The following TRIM45 variants were observed in gnomAD, a reference collection of about 807,000 sequenced individuals.
TRIM45 encodes tripartite motif containing 45.
TRIM45 carries 45 observed loss-of-function variants against 46.7 expected under a neutral mutation model. The observed-to-expected ratio is 0.96, with a 90% CI of 0.76 to 1.24. TRIM45 has a LOEUF of 1.24. Ranked by LOEUF, TRIM45 falls within the 50% of genes most tolerant of loss-of-function variation. The pLI is 0.00. For missense variants in TRIM45, 680 were observed against 728.4 expected, an observed-to-expected ratio of 0.93 and a Z score of 0.77; for synonymous variants, 259 against 285.8, an observed-to-expected ratio of 0.91 and a Z score of 0.94.
In TRIM45 at chr1:117,117,972, A is replaced by G. The variant is rs1275181917; in HGVS notation, c.1222+62T>C. On this transcript the variant is annotated intron_variant, in intron 2 of 5. Transcript: ENST00000256649. This position sits in a 1 kb window ranked among gnomAD's most constrained non-coding sequence, Gnocchi z 4.9. ...TGCTTCCTAGCAGAACAAGCCACCA[A>G]TCTTCACACACCACCTCCCTGTCCA... 7.7e-6 allele frequency: 12 copies of G among 1,561,874 alleles called. No homozygotes were observed. Among genetic ancestry groups the G allele is most frequent in the South Asian group, 6.2e-5 (5 of 81,038 alleles).
Position 117,113,527 on chromosome 1 carries a change from G to C in TRIM45, c.1468-42C>G. ...AAAAGCAATGAACAGCATCTTACGA[G>C]TTAACAGGATGTGCTGCGCATCACT... On this transcript the variant is annotated intron_variant, in intron 4 of 5. Transcript: ENST00000256649. This position sits in a 1 kb window ranked among gnomAD's most constrained non-coding sequence, Gnocchi z 4.0. 2 of 1,599,942 alleles carry C rather than the reference G, an allele frequency of 1.3e-6. No individual in the cohort carries two copies. Among genetic ancestry groups the C allele is most frequent in the Non-Finnish European group, 1.7e-6 (2 of 1,171,580 alleles).
In TRIM45 at chr1:117,115,551, G is replaced by A. The variant is rs769857493; in HGVS notation, c.1467+24C>T. On this transcript the variant is annotated intron_variant, in intron 4 of 5. Coordinates refer to ENST00000256649, the MANE Select transcript of TRIM45 (RefSeq NM_025188.4). The surrounding 1 kb of genome is among the most constrained non-coding windows in gnomAD (Gnocchi z 4.2). ...AAGACAGTAGAATCCAGGGAGCTCA[G>A]GGAAGCACGTGCACCAGTCTTACCT... 1.2e-5 allele frequency: 18 copies of A among 1,549,312 alleles called. No individual in the cohort carries two copies. In the African/African-American group the frequency reaches 1.9e-4, roughly 16 times the overall value.
chr1:117,118,237 T>G lies in TRIM45; in HGVS notation c.1019A>C (p.Asp340Ala), dbSNP rs563417817. The G allele has an allele frequency of 5.0e-6, 8 of 1,614,162 alleles. No individual in the cohort carries two copies. The South Asian group carries it at 6.6e-5, about 13-fold the overall frequency. The change falls in exon 2 of 6, where the codon GAC becomes GCC. Residue 340 changes from aspartate (D) to alanine (A), a missense_variant. This residue lies in a region of TRIM45 where 322 missense variants were observed against 359.3 expected (regional missense o/e 0.90). Transcript: ENST00000256649. The surrounding 1 kb of genome is among the most constrained non-coding windows in gnomAD (Gnocchi z 5.7). ...FTEHLLTSGSDLEILITKRVV... is the reference protein window; with the variant it reads ...FTEHLLTSGSALEILITKRVV... ...CCTCTTGGTGATGAGGATCTCCAAGTCTGAGCCGCTGGTCAGCAAGTGCTC... is the reference window on the plus strand; with the variant it reads ...CCTCTTGGTGATGAGGATCTCCAAGGCTGAGCCGCTGGTCAGCAAGTGCTC...
chr1:117,119,630 G>C (rs918999779), intron 1 of TRIM45, among the ~76,000 whole-genome samples: 3 of 151,622 alleles, frequency 2.0e-5, no homozygotes, highest in African/African-American at 7.3e-5. Flanking sequence ...AAAGAGAAAA[G>C]AAAGTGTGAA....
rs956170579 is a variant in TRIM45, at chr1:117,117,184, C to G, written c.1223-439G>C. Among the ~76,000 whole-genome samples the G allele has an allele frequency of 1.3e-5, 2 of 152,154 alleles. No individual in the cohort carries two copies. The highest frequency in any genetic ancestry group is 2.9e-5 in the Non-Finnish European group (2 of 68,018). On this transcript the variant is annotated intron_variant, in intron 2 of 5. Transcript: ENST00000256649. This position sits in a 1 kb window ranked among gnomAD's most constrained non-coding sequence, Gnocchi z 4.9. ...TTTGAGATCCTCTGCAACTTGGTAG[C>G]TCATGCCAAGGTACTGGGGGGATAT...
chr1:117,123,041 GAAAAA>G (rs11355900), upstream of TRIM45, among the ~76,000 whole-genome samples: 17 of 140,798 alleles, frequency 1.2e-4, 1 homozygote, highest in African/African-American at 4.3e-4. Context: ...CCCAAAATAT[GAAAAA>G]AAAAAAAAAA....
Position 117,121,120 on chromosome 1 carries a change from G to A in TRIM45, c.82C>T (p.His28Tyr). The A allele has an allele frequency of 6.2e-7, 1 of 1,612,494 alleles. No individual in the cohort carries two copies. The highest frequency in any genetic ancestry group is 1.1e-5 in the South Asian group (1 of 91,044). Residue 28 changes from histidine to tyrosine, a missense_variant, in exon 1 of 6, where the codon CAC (histidine) becomes TAC (tyrosine). Physicochemically the swap from His to Tyr is moderately conservative, Grantham distance 83 (BLOSUM62 2). Around this residue, in one of 3 missense-constraint regions of TRIM45, gnomAD observed 349 missense variants for 343.6 expected, o/e 1.02. Coordinates refer to ENST00000256649, the MANE Select transcript of TRIM45 (RefSeq NM_025188.4). The surrounding 1 kb of genome is among the most constrained non-coding windows in gnomAD (Gnocchi z 4.2). ...GTALGNSGKTHCPLCLGLFKA... is the reference protein window; with the variant it reads ...GTALGNSGKTYCPLCLGLFKA... ...AAAAGCCCCAAGCACAGGGGGCAGT[G>A]AGTCTTGCCTGAGTTCCCAAGTGCA...
rs985862829 is a variant in TRIM45 at position 117,117,218 on chromosome 1, T to C, written c.1223-473A>G. Among the ~76,000 whole-genome samples the C allele has an allele frequency of 2.0e-5, 3 of 152,164 alleles. No individual in the cohort carries two copies. Among genetic ancestry groups the C allele is most frequent in the African/African-American group, 4.8e-5 (2 of 41,446 alleles). ...AGGTACTGGGGGGATATCCAGTAGCTACAGCCCCTACTCCAGCATTCAGAT... is the reference window on the plus strand; with the variant it reads ...AGGTACTGGGGGGATATCCAGTAGCCACAGCCCCTACTCCAGCATTCAGAT... On this transcript the variant is annotated intron_variant, in intron 2 of 5. Coordinates refer to ENST00000256649, the MANE Select transcript of TRIM45 (RefSeq NM_025188.4). The surrounding 1 kb of genome is among the most constrained non-coding windows in gnomAD (Gnocchi z 4.9).
chr1:117,115,024 T>G lies in TRIM45; in HGVS notation c.1467+551A>C, dbSNP rs1232730968. ...AGTGCTCTACTTGTGTTATACTTGT[T>G]TGTAGAAACCATGGTAACGTAACTT... On this transcript the variant is annotated intron_variant, in intron 4 of 5. Coordinates refer to ENST00000256649, the MANE Select transcript of TRIM45 (RefSeq NM_025188.4). The surrounding 1 kb of genome is among the most constrained non-coding windows in gnomAD (Gnocchi z 4.2). Among the ~76,000 whole-genome samples the G allele has an allele frequency of 6.6e-6, 1 of 152,236 alleles. No homozygotes were observed. The highest frequency in any genetic ancestry group is 1.5e-5 in the Non-Finnish European group (1 of 68,040).
chr1:117,122,139 C>G (rs571696875), upstream of TRIM45: 3 of 293,200 alleles, frequency 1.0e-5, no homozygotes, highest in Admixed American at 1.1e-4. Context: ...GTCCCACGAA[C>G]GCAGACTGGG....
chr1:117,120,584 T>C, intron 1 of TRIM45, 130 bp downstream of exon 1: 1 of 1,324,836 alleles, frequency 7.5e-7, no homozygotes, highest in South Asian at 1.5e-5. Flanking sequence ...TATTGCATTG[T>C]TATATTGCTC....
chr1:117,121,618 A>C lies in TRIM45; in HGVS notation c.-417T>G. 2.3e-6 allele frequency: 1 copy of C among 427,602 alleles called. No individual in the cohort carries two copies. The highest frequency in any genetic ancestry group is 4.8e-5 in the East Asian group (1 of 20,798). The allele number at this position is 427,602 out of a possible 1,614,324, so 26.5% of individuals were successfully genotyped here. A position where few individuals can be genotyped will look rare whatever the true frequency, so the allele number is the denominator to read the frequency against. ...GCGCCGACCCCACCCGCGCACGATG[A>C]GGTAGGGGCCCTCTTGCTCCTTCCC... On this transcript the variant is annotated 5_prime_UTR_variant, in exon 1 of 6. Coordinates refer to ENST00000256649, the MANE Select transcript of TRIM45 (RefSeq NM_025188.4). This position sits in a 1 kb window ranked among gnomAD's most constrained non-coding sequence, Gnocchi z 4.2.
At position 117,118,850 on chromosome 1, in the gene TRIM45, G is replaced by C. The variant is rs1047139359; in HGVS notation, c.489-83C>G. The stretch of plus-strand genomic sequence containing the variant: ...TGGGCAGAGAGATTTTAGGAGCACA[G>C]GATCTGAAGTTAAACAAACCTGATT... On this transcript the variant is annotated intron_variant, in intron 1 of 5. Coordinates refer to ENST00000256649, the MANE Select transcript of TRIM45 (RefSeq NM_025188.4). This position sits in a 1 kb window ranked among gnomAD's most constrained non-coding sequence, Gnocchi z 5.7. The C allele has an allele frequency of 4.6e-6, 7 of 1,508,898 alleles. No individual in the cohort carries two copies. Among genetic ancestry groups the C allele is most frequent in the South Asian group, 4.0e-5 (3 of 75,702 alleles). 93.5% of individuals were successfully genotyped at this position (1,508,898 alleles called of 1,614,324 possible).
chr1:117,118,287 G>A lies in TRIM45; in HGVS notation c.969C>T (p.Asp323=). Residue 323 remains aspartate, a synonymous_variant, in exon 2 of 6, where the codon GAC becomes GAT. Transcript: ENST00000256649. The surrounding 1 kb of genome is among the most constrained non-coding windows in gnomAD (Gnocchi z 5.7). ...QKAQLEQLLA[D]MRTGVEFTEH... ...CGGTGAACTCCACTCCAGTCCGCAT[G>A]TCTGCCAGTAACTGTTCCAGCTGGG... The A allele has an allele frequency of 6.2e-7, 1 of 1,614,216 alleles. No individual in the cohort carries two copies. Among genetic ancestry groups the A allele is most frequent in the Non-Finnish European group, 8.5e-7 (1 of 1,180,034 alleles).
upstream of TRIM45, chr1:117,121,784 G>T: frequency 1.4e-6 from 1 of 707,540 alleles, no homozygotes; most frequent in South Asian, 1.5e-5. The surrounding 1 kb of genome is among the most constrained non-coding windows in gnomAD (Gnocchi z 4.2). Context: ...GGTCTACTCC[G>T]GCGAGTCCAA....
upstream of TRIM45, chr1:117,122,139 C>A (rs571696875): frequency 4.1e-5 from 12 of 293,082 alleles, no homozygotes; most frequent in African/African-American, 2.4e-4. Context: ...GTCCCACGAA[C>A]GCAGACTGGG....
chr1:117,112,402 T>C lies in TRIM45; in HGVS notation c.1646A>G (p.His549Arg), dbSNP rs1650250644. 1.9e-6 allele frequency: 3 copies of C among 1,613,962 alleles called. No homozygotes were observed. Among genetic ancestry groups the C allele is most frequent in the African/African-American group, 2.7e-5 (2 of 74,912 alleles). Residue 549 changes from histidine to arginine, a missense_variant, in exon 6 of 6, where the codon CAC (histidine) becomes CGC (arginine). His to Arg is a conservative substitution (Grantham distance 29). Around this residue, in one of 3 missense-constraint regions of TRIM45, gnomAD observed 322 missense variants for 359.3 expected, o/e 0.90. Transcript: ENST00000256649. ...HGHKGHPGHPHWSCCGKFNEK... is the reference protein window; with the variant it reads ...HGHKGHPGHPRWSCCGKFNEK... ...ATTAAATTTTCCACAGCATGACCAG[T>C]GGGGATGACCTGGGTGGCCTTTGTG... is the stretch of plus-strand genomic sequence containing the variant.
At position 117,116,625 on chromosome 1, in the gene TRIM45, T is replaced by C. The variant is rs1650411939; in HGVS notation, c.1343A>G (p.Lys448Arg). 1.2e-6 allele frequency: 2 copies of C among 1,613,676 alleles called. No homozygotes were observed. Among genetic ancestry groups the C allele is most frequent in the Non-Finnish European group, 1.7e-6 (2 of 1,179,944 alleles). ...ATTGTGTCATACAAACCTGTCTTTC[T>C]TATCTTTAGGGACAACGGCAACTTG... ...NVQVAVVPKDKKDSPVRTMVQ... is the reference protein window; with the variant it reads ...NVQVAVVPKDRKDSPVRTMVQ... The change falls in exon 3 of 6, where the codon AAG becomes AGG. Residue 448 changes from lysine to arginine, a missense_variant. Physicochemically the swap from Lys to Arg is conservative, Grantham distance 26. Transcript: ENST00000256649. This position sits in a 1 kb window ranked among gnomAD's most constrained non-coding sequence, Gnocchi z 4.6.
In TRIM45 at chr1:117,121,728, C is replaced by T; in HGVS notation, c.-527G>A. On this transcript the variant is annotated 5_prime_UTR_variant, in exon 1 of 6. Coordinates refer to ENST00000256649, the MANE Select transcript of TRIM45 (RefSeq NM_025188.4). The surrounding 1 kb of genome is among the most constrained non-coding windows in gnomAD (Gnocchi z 4.2). Reference sequence around the variant, plus strand: ...CCACCGCCTCTCCCGCGCCTCGGCCCGGGACGCCCGCGGGCTCTGGCCCCT... The same window carrying T: ...CCACCGCCTCTCCCGCGCCTCGGCCTGGGACGCCCGCGGGCTCTGGCCCCT... 3 of 608,094 alleles carry T rather than the reference C, an allele frequency of 4.9e-6. No individual in the cohort carries two copies. The highest frequency in any genetic ancestry group is 9.0e-6 in the Non-Finnish European group (3 of 333,978). The allele number at this position is 608,094 out of a possible 1,614,324, so 37.7% of individuals were successfully genotyped here. A position where few individuals can be genotyped will look rare whatever the true frequency, so the allele number is the denominator to read the frequency against.
Sources: gnomAD v4.1 joint callset for allele counts (sites outside exome capture counted in the v4.1 genomes callset) on GRCh38, gnomAD v4.1.1 for gene constraint, gnomAD v4.1.1 regional missense constraint, Gnocchi (gnomAD v3.1) non-coding constraint, MANE v1.5 for transcripts, NCBI Gene and HGNC (gene_info 2026-07-23, HGNC 2026-07-21) for gene names.